DPF3: variants seen among roughly 807,000 people sequenced by gnomAD.
DPF3 encodes zinc finger protein DPF3.
DPF3 carries 18 observed loss-of-function variants against 56.8 expected under a neutral mutation model. The observed-to-expected ratio is 0.32, with a 90% CI of 0.22 to 0.47. The LOEUF (loss-of-function observed/expected upper bound fraction) is 0.47. Ranked by LOEUF, DPF3 falls within the 20% of genes least tolerant of loss-of-function variation. DPF3 has a pLI of 1.00. For synonymous variants in DPF3, 188 were observed against 180.2 expected, an observed-to-expected ratio of 1.04 and a Z score of -0.35; for missense variants, 403 against 488.8, an observed-to-expected ratio of 0.82 and a Z score of 1.65.
intron 1 of DPF3, among the ~76,000 whole-genome samples, chr14:72,797,517 T>C (rs936178488): frequency 6.6e-6 from 1 of 152,224 alleles, no homozygotes; most frequent in Non-Finnish European, 1.5e-5. Context: ...AATAAAGTAT[T>C]GAACTGATAT....
rs1226058722 is a variant in DPF3 at position 72,615,046 on chromosome 14, C to T, written c.*4251G>A. On this transcript the variant is annotated 3_prime_UTR_variant, in exon 11 of 11. Coordinates refer to ENST00000556509, the MANE Select transcript of DPF3 (RefSeq NM_001280542.3). Reference sequence around the variant, plus strand: ...TTGCGGCATCCTGTGGGAGTGTGAGCGTGGCTCTGGCCAGAGCCAACTTCT... The same window carrying T: ...TTGCGGCATCCTGTGGGAGTGTGAGTGTGGCTCTGGCCAGAGCCAACTTCT... Among the ~76,000 whole-genome samples the T allele has an allele frequency of 2.0e-5, 3 of 150,884 alleles. No homozygotes were observed. The highest frequency in any genetic ancestry group is 2.0e-4 in the East Asian group (1 of 4,938).
intron 1 of DPF3, chr14:72,892,225 A>G (rs1422291671): frequency 1.3e-6 from 2 of 1,535,460 alleles, no homozygotes; most frequent in Non-Finnish European, 8.7e-7. Flanking sequence ...TCGGCTGGAA[A>G]TGGGGAAACT....
intron 2 of DPF3, among the ~76,000 whole-genome samples, chr14:72,767,232 A>G (rs969581638): frequency 2.6e-5 from 4 of 152,226 alleles, no homozygotes; most frequent in Non-Finnish European, 5.9e-5. Context: ...GTCTCATAAC[A>G]TAACAGCCAA....
rs894688373 is a variant in DPF3, at chr14:72,637,067, T to C, written c.872-7331A>G. Among the ~76,000 whole-genome samples, 7 of 152,370 alleles carry C rather than the reference T, an allele frequency of 4.6e-5. No individual in the cohort carries two copies. In the South Asian group the frequency reaches 6.2e-4, roughly 14 times the overall value. ...CATGGGATGCAAGCCCCAGGGGCTA[T>C]TGCACCAGTCATTCTTATAAATAAC... On this transcript the variant is annotated intron_variant, in intron 8 of 10. Transcript: ENST00000556509.
intron 6 of DPF3, among the ~76,000 whole-genome samples, chr14:72,713,175 C>T (rs1888729471): frequency 6.6e-6 from 1 of 152,242 alleles, no homozygotes; most frequent in Non-Finnish European, 1.5e-5. Context: ...GCTCCTTCCT[C>T]ATCCTGGACT....
intron 1 of DPF3, among the ~76,000 whole-genome samples, chr14:72,874,730 A>G (rs963340307): frequency 6.6e-6 from 1 of 152,186 alleles, no homozygotes; most frequent in Non-Finnish European, 1.5e-5. Context: ...AAAGCCATTC[A>G]ACAAGTCTCT....
intron 9 of DPF3, among the ~76,000 whole-genome samples, chr14:72,621,594 T>C (rs1884451461): frequency 6.6e-6 from 1 of 152,090 alleles, no homozygotes; most frequent in Non-Finnish European, 1.5e-5. Context: ...AGTGATACGA[T>C]CAGATTGCAG....
intron 7 of DPF3, among the ~76,000 whole-genome samples, chr14:72,680,504 G>A (rs1164932485): frequency 3.9e-5 from 6 of 152,218 alleles, no homozygotes; most frequent in African/African-American, 9.6e-5. Flanking sequence ...AGCCCTCGAC[G>A]GCAGAGAACT....
At chr14:72,664,596 C>G (rs767786450) in intron 8 of DPF3, among the ~76,000 whole-genome samples, 1 of 150,340 alleles carries the variant, frequency 6.7e-6, no homozygotes, top group Non-Finnish European at 1.5e-5. Flanking sequence ...CCCCTTTTCT[C>G]TCCTTTACCC....
rs765837767 is a variant in DPF3, at chr14:72,771,823, G to A, written c.103C>T (p.Arg35Cys). Residue 35 changes from arginine to cysteine, a missense_variant, in exon 2 of 11, where the codon CGC (arginine) becomes TGC (cysteine). Transcript: ENST00000556509. ...TCCAGGAAGGGAAGACGCACGCTGC[G>A]CTCTGCACACAGCCGTGAGTTGTAA... is the stretch of plus-strand genomic sequence containing the variant. Reference protein sequence around the residue: ...RSYNSRLCAERSVRLPFLDSQ... With the variant: ...RSYNSRLCAECSVRLPFLDSQ... 5 of 1,613,580 alleles carry A rather than the reference G, an allele frequency of 3.1e-6. No individual in the cohort carries two copies. Among genetic ancestry groups the A allele is most frequent in the South Asian group, 1.1e-5 (1 of 91,054 alleles).
At chr14:72,770,465 TAA>T (rs1345042350) in intron 2 of DPF3, among the ~76,000 whole-genome samples, 1 of 152,252 alleles carries the variant, frequency 6.6e-6, no homozygotes, top group Non-Finnish European at 1.5e-5. Flanking sequence ...TTGATGATAT[TAA>T]AGTCTTATTG....
chr14:72,696,571 T>C (rs770810726), intron 6 of DPF3, among the ~76,000 whole-genome samples: 1 of 152,222 alleles, frequency 6.6e-6, no homozygotes. Flanking sequence ...AACCATTTTG[T>C]GGGAAGGCCA....
intron 2 of DPF3, among the ~76,000 whole-genome samples, chr14:72,756,949 G>GAAAGAAAGAAAGAAAGAAA (rs1285144605): frequency 3.3e-5 from 3 of 90,640 alleles, no homozygotes; most frequent in South Asian, 3.8e-4. Context: ...AGAAGAGAAA[G>GAAAGAAAGAAAGAAAGAAA]GGAGAGGGAA....
At chr14:72,825,575 C>T (rs1241296305) in intron 1 of DPF3, among the ~76,000 whole-genome samples, 2 of 152,186 alleles carry the variant, frequency 1.3e-5, no homozygotes, top group African/African-American at 4.8e-5. Flanking sequence ...CACCGCAGGG[C>T]GGGTGCAGCC....
At chr14:72,685,552 G>T (rs1294809356) in intron 7 of DPF3, among the ~76,000 whole-genome samples, 1 of 152,176 alleles carries the variant, frequency 6.6e-6, no homozygotes, top group African/African-American at 2.4e-5. Context: ...ACCTAAATAA[G>T]TAAACTCTCC....
chr14:72,633,944 G>C (rs969734201), intron 8 of DPF3, among the ~76,000 whole-genome samples: 1 of 152,204 alleles, frequency 6.6e-6, no homozygotes, highest in African/African-American at 2.4e-5. Context: ...GTGGGTTTTG[G>C]AAATGCCTGT....
chr14:72,665,420 T>C (rs1441958760), intron 8 of DPF3, among the ~76,000 whole-genome samples: 5 of 152,206 alleles, frequency 3.3e-5, no homozygotes, highest in Admixed American at 2.6e-4. Context: ...TAGCCTGAAA[T>C]CTCAGCTGAA....
chr14:72,649,356 A>G (rs1371393794), intron 8 of DPF3, among the ~76,000 whole-genome samples: 1 of 152,050 alleles, frequency 6.6e-6, no homozygotes, highest in East Asian at 1.9e-4. Context: ...CAAGCAGAAA[A>G]TTAGTTGAAT....
rs911451114 is a variant in DPF3, at chr14:72,615,618, AC to A, written c.*3678del. ...CTCCTTCCCTCCCTTCCACCCACCC[AC>A]AGGCTCTTCCCTGGTTCCAGTCGGC... On this transcript the variant is annotated 3_prime_UTR_variant, in exon 11 of 11. Coordinates refer to ENST00000556509, the MANE Select transcript of DPF3 (RefSeq NM_001280542.3). Among the ~76,000 whole-genome samples, 4 of 151,896 alleles carry A rather than the reference AC, an allele frequency of 2.6e-5. No individual in the cohort carries two copies. Among genetic ancestry groups the A allele is most frequent in the Non-Finnish European group, 5.9e-5 (4 of 67,970 alleles).
Sources: allele counts gnomAD v4.1 joint callset (sites outside exome capture counted in the v4.1 genomes callset), GRCh38; gene constraint gnomAD v4.1.1; transcripts MANE v1.5; gene names NCBI Gene and HGNC (gene_info 2026-07-23, HGNC 2026-07-21).